RMST: variants seen among roughly 807,000 people sequenced by gnomAD.
The protein encoded by RMST is rhabdomyosarcoma 2 associated transcript.
intron 10 of RMST, among the ~76,000 whole-genome samples, chr12:97,498,749 C>T (rs191764254): frequency 6.6e-6 from 1 of 152,294 alleles, no homozygotes; most frequent in East Asian, 1.9e-4. Context: ...CTTATGGGCT[C>T]TGCCTCTCTG....
intron 10 of RMST, among the ~76,000 whole-genome samples, chr12:97,496,621 T>C (rs1025155145): frequency 6.6e-6 from 1 of 152,202 alleles, no homozygotes; most frequent in Non-Finnish European, 1.5e-5. Flanking sequence ...TAAAACACAC[T>C]ATCATATCAC....
At chr12:97,517,679 T>A (rs1295746635) in intron 10 of RMST, among the ~76,000 whole-genome samples, 3 of 152,094 alleles carry the variant, frequency 2.0e-5, no homozygotes, top group Non-Finnish European at 4.4e-5. Context: ...TGCACTTTGA[T>A]GTAACTATGC....
At chr12:97,515,787 AG>A (rs1337846855) in intron 10 of RMST, among the ~76,000 whole-genome samples, 1 of 152,110 alleles carries the variant, frequency 6.6e-6, no homozygotes, top group African/African-American at 2.4e-5. Flanking sequence ...GCATTGATGA[AG>A]CTGAATAATA....
At chr12:97,557,852 T>C (rs1883818485) in intron 11 of RMST, among the ~76,000 whole-genome samples, 1 of 152,110 alleles carries the variant, frequency 6.6e-6, no homozygotes, top group South Asian at 2.1e-4. Context: ...GGACAACTAC[T>C]ACTTACCGGA....
intron 10 of RMST, among the ~76,000 whole-genome samples, chr12:97,517,028 G>A (rs1247419705): frequency 6.6e-6 from 1 of 151,794 alleles, no homozygotes; most frequent in African/African-American, 2.4e-5. Flanking sequence ...TAGCCTATAA[G>A]TTCTAGTATT....
At chr12:97,553,486 T>G (rs185726954) in intron 11 of RMST, among the ~76,000 whole-genome samples, 187 of 152,348 alleles carry the variant, frequency 1.2e-3, no homozygotes, top group Non-Finnish European at 2.2e-3. Flanking sequence ...CTAAGTTCCA[T>G]GAGGGCAGGA....
chr12:97,522,912 T>C (rs1880666056), intron 10 of RMST, among the ~76,000 whole-genome samples: 1 of 152,158 alleles, frequency 6.6e-6, no homozygotes, highest in African/African-American at 2.4e-5. Flanking sequence ...TATTTTACCA[T>C]ATCCAAATTT....
At chr12:97,522,292 TA>T in intron 10 of RMST, among the ~76,000 whole-genome samples, 1 of 152,350 alleles carries the variant, frequency 6.6e-6, no homozygotes, top group Non-Finnish European at 1.5e-5. Flanking sequence ...ATTCTTAACT[TA>T]CTTTCTTATT....
At chr12:97,479,800 A>G (rs1481191808) in intron 5 of RMST, among the ~76,000 whole-genome samples, 1 of 152,020 alleles carries the variant, frequency 6.6e-6, no homozygotes. Flanking sequence ...CAGACATTTT[A>G]TTTGTAGTCC....
chr12:97,527,651 A>T (rs899649836), intron 10 of RMST, among the ~76,000 whole-genome samples: 2 of 149,280 alleles, frequency 1.3e-5, no homozygotes, highest in Non-Finnish European at 3.0e-5. Flanking sequence ...AGCAGCCATA[A>T]AAAAGGCAAA....
At chr12:97,542,721 C>T (rs981729581) in intron 11 of RMST, among the ~76,000 whole-genome samples, 6 of 151,920 alleles carry the variant, frequency 3.9e-5, no homozygotes, top group African/African-American at 1.4e-4. Flanking sequence ...GGGTTGTTGC[C>T]TTTTCAGATA....
intron 10 of RMST, among the ~76,000 whole-genome samples, chr12:97,498,117 A>G (rs1042544730): frequency 1.3e-5 from 2 of 152,344 alleles, no homozygotes; most frequent in African/African-American, 4.8e-5. Context: ...GCAAGTTTTA[A>G]GCAAAACCAT....
At chr12:97,509,684 T>C (rs1336736341) in intron 10 of RMST, among the ~76,000 whole-genome samples, 1 of 152,136 alleles carries the variant, frequency 6.6e-6, no homozygotes, top group Non-Finnish European at 1.5e-5. Flanking sequence ...ACGAGTAAGA[T>C]CAAACATCAC....
intron 11 of RMST, among the ~76,000 whole-genome samples, chr12:97,555,688 C>G (rs1054749988): frequency 5.3e-5 from 8 of 152,142 alleles, no homozygotes; most frequent in Non-Finnish European, 8.8e-5. Context: ...GTCTTGCCTC[C>G]CAGACTGTCT....
At chr12:97,487,283 G>A (rs190155055) in intron 5 of RMST, among the ~76,000 whole-genome samples, 7 of 152,272 alleles carry the variant, frequency 4.6e-5, no homozygotes, top group African/African-American at 1.4e-4. Context: ...AATGACAGCA[G>A]GTCTATGGAG....
chr12:97,541,014 A>G (rs541762936), intron 11 of RMST, among the ~76,000 whole-genome samples: 196 of 148,442 alleles, frequency 1.3e-3, no homozygotes, highest in Non-Finnish European at 1.9e-3. Flanking sequence ...TCCCAGGTGT[A>G]TATATATATA....
chr12:97,537,754 G>A (rs1232689630), intron 11 of RMST, among the ~76,000 whole-genome samples: 2 of 151,230 alleles, frequency 1.3e-5, no homozygotes, highest in Non-Finnish European at 3.0e-5. Flanking sequence ...GATGTGTCAG[G>A]GTTTCATGAT....
chr12:97,510,473 G>A (rs887935021), intron 10 of RMST, among the ~76,000 whole-genome samples: 4 of 152,164 alleles, frequency 2.6e-5, no homozygotes, highest in South Asian at 2.1e-4. Context: ...GGACCATTAC[G>A]TGCTCTTATT....
chr12:97,555,357 G>C (rs1177440737), intron 11 of RMST, among the ~76,000 whole-genome samples: 1 of 152,064 alleles, frequency 6.6e-6, no homozygotes, highest in Non-Finnish European at 1.5e-5. Flanking sequence ...TGGAAATGCC[G>C]ACAGTAAATT....
Sources: gnomAD v4.1 joint callset for allele counts (sites outside exome capture counted in the v4.1 genomes callset) on GRCh38, gnomAD v4.1.1 for gene constraint, MANE v1.5 for transcripts, NCBI Gene and HGNC (gene_info 2026-07-23, HGNC 2026-07-21) for gene names.